Variants in KLF12 observed in about 807,000 individuals in gnomAD.
The protein encoded by KLF12 is Krueppel-like factor 12.
KLF12 carries 9 observed loss-of-function variants against 37.8 expected under a neutral mutation model. The observed-to-expected ratio is 0.24, with a 90% CI of 0.14 to 0.42. KLF12 has a LOEUF of 0.42. KLF12 is among the 10% of genes least tolerant of loss of function. The pLI is 1.00. For missense variants in KLF12, 411 were observed against 516.0 expected (o/e 0.80, Z 1.97); for synonymous variants, 208 against 202.1 (o/e 1.03, Z -0.25).
chr13:73,787,314 A>C lies in KLF12; in HGVS notation c.807-22314T>G, dbSNP rs150279402. On this transcript the variant is annotated intron_variant, in intron 5 of 7. Transcript: ENST00000377669. ...TCTTATGAATGATGGAACAAGTTCT[A>C]AGATGTTATATAGCTTGTCCCAGGT... 1.8e-3 allele frequency among the ~76,000 whole-genome samples: 269 copies of C among 152,306 alleles called. 1 individual carries two copies. Among genetic ancestry groups the C allele is most frequent in the African/African-American group, 5.8e-3 (241 of 41,564 alleles).
chr13:73,957,873 T>A (rs929247898), intron 2 of KLF12, among the ~76,000 whole-genome samples: 1 of 152,186 alleles, frequency 6.6e-6, no homozygotes, highest in Non-Finnish European at 1.5e-5. Context: ...AATTAAAAGA[T>A]ACGCTGGGCA....
chr13:74,280,080 T>C, the KLF12 span, among the ~76,000 whole-genome samples: 18 of 152,344 alleles, frequency 1.2e-4, no homozygotes, highest in Admixed American at 3.3e-4. Flanking sequence ...CTTACAAACC[T>C]TCCTTTTAAA....
At chr13:73,948,778 T>G (rs181000431) in intron 2 of KLF12, among the ~76,000 whole-genome samples, 1 of 152,220 alleles carries the variant, frequency 6.6e-6, no homozygotes, top group Non-Finnish European at 1.5e-5. Flanking sequence ...GCAAAACCTT[T>G]GCTTATATAC....
intron 6 of KLF12, among the ~76,000 whole-genome samples, chr13:73,724,412 T>C (rs982861909): frequency 3.3e-5 from 5 of 152,172 alleles, no homozygotes; most frequent in African/African-American, 1.2e-4. Flanking sequence ...ACATGAATTA[T>C]TGAAAGTTTT....
At chr13:73,842,491 A>T (rs1311193258) in intron 4 of KLF12, among the ~76,000 whole-genome samples, 2 of 152,212 alleles carry the variant, frequency 1.3e-5, no homozygotes, top group African/African-American at 4.8e-5. Context: ...CCTGATAATG[A>T]TAGATGCACA....
the KLF12 span, among the ~76,000 whole-genome samples, chr13:74,219,800 T>TG: frequency 8.3e-3 from 1,267 of 152,330 alleles, 15 homozygotes; most frequent in African/African-American, 0.026. Flanking sequence ...CAGCTGTCAG[T>TG]GTAATTGTTG....
At chr13:73,799,445 A>G (rs1882170066) in intron 5 of KLF12, among the ~76,000 whole-genome samples, 1 of 152,030 alleles carries the variant, frequency 6.6e-6, no homozygotes, top group South Asian at 2.1e-4. Context: ...TATTTTTAAA[A>G]ATCAGACTAA....
At chr13:73,982,409 C>T (rs1891709987) in intron 2 of KLF12, among the ~76,000 whole-genome samples, 1 of 151,980 alleles carries the variant, frequency 6.6e-6, no homozygotes, top group African/African-American at 2.4e-5. Context: ...AGACAATTGT[C>T]AGAAAGGATA....
intron 3 of KLF12, among the ~76,000 whole-genome samples, chr13:73,856,020 C>A (rs1348429562): frequency 6.6e-6 from 1 of 152,162 alleles, no homozygotes; most frequent in Non-Finnish European, 1.5e-5. Flanking sequence ...CCTTTTTGGA[C>A]TACAACTGCC....
At chr13:74,044,487 A>T (rs912260683) in intron 1 of KLF12, among the ~76,000 whole-genome samples, 4 of 151,464 alleles carry the variant, frequency 2.6e-5, no homozygotes, top group African/African-American at 7.3e-5. Flanking sequence ...AAGTACAATT[A>T]AAAAAAAATG....
intron 3 of KLF12, among the ~76,000 whole-genome samples, chr13:73,939,958 G>A (rs2139344014): frequency 6.6e-6 from 1 of 152,276 alleles, no homozygotes; most frequent in Middle Eastern, 3.4e-3. Flanking sequence ...TGGGAGAGAA[G>A]CCCTCATCTC....
intron 1 of KLF12, among the ~76,000 whole-genome samples, chr13:74,122,745 G>A (rs1051196137): frequency 6.6e-6 from 1 of 151,652 alleles, no homozygotes; most frequent in African/African-American, 2.4e-5. Context: ...TTTCTCTTAG[G>A]CAGCACTGAA....
At chr13:74,030,978 T>A (rs1893097701) in intron 1 of KLF12, among the ~76,000 whole-genome samples, 1 of 152,112 alleles carries the variant, frequency 6.6e-6, no homozygotes, top group South Asian at 2.1e-4. Context: ...TACTTCCTAC[T>A]CTTTATAATA....
intron 7 of KLF12, among the ~76,000 whole-genome samples, chr13:73,703,242 C>T (rs1034760810): frequency 2.6e-5 from 4 of 152,144 alleles, no homozygotes; most frequent in African/African-American, 7.2e-5. Context: ...TTTATATTTA[C>T]AAAATTCAGG....
chr13:74,078,155 C>A (rs1393351887), intron 1 of KLF12, among the ~76,000 whole-genome samples: 1 of 152,122 alleles, frequency 6.6e-6, no homozygotes, highest in Admixed American at 6.6e-5. Context: ...AGTTCTGGAA[C>A]CTACAAGAGC....
At chr13:74,221,682 A>AG in the KLF12 span, among the ~76,000 whole-genome samples, 2 of 152,126 alleles carry the variant, frequency 1.3e-5, no homozygotes, top group African/African-American at 4.8e-5. Context: ...TATTAGACCC[A>AG]ATTTATATGA....
intron 5 of KLF12, among the ~76,000 whole-genome samples, chr13:73,767,085 C>T (rs9543451): frequency 0.34 from 51,311 of 152,078 alleles, 9,955 homozygotes; most frequent in South Asian, 0.49. Context: ...GGAATAAGTA[C>T]ACTGATAACT....
chr13:74,051,302 GGATA>G (rs1450585344), intron 1 of KLF12, among the ~76,000 whole-genome samples: 1 of 146,564 alleles, frequency 6.8e-6, no homozygotes, highest in Admixed American at 6.9e-5. Flanking sequence ...ATGGATGAAT[GGATA>G]AAGAAAATGT....
intron 4 of KLF12, among the ~76,000 whole-genome samples, chr13:73,841,494 C>T (rs1884731853): frequency 6.6e-6 from 1 of 152,234 alleles, no homozygotes; most frequent in Middle Eastern, 3.4e-3. Context: ...TTGCATACAG[C>T]CCACAGCTGC....
Sources: allele counts gnomAD v4.1 joint callset (sites outside exome capture counted in the v4.1 genomes callset), GRCh38; gene constraint gnomAD v4.1.1; transcripts MANE v1.5; gene names NCBI Gene and HGNC (gene_info 2026-07-23, HGNC 2026-07-21).